Variants in MYO18B observed in about 807,000 individuals in gnomAD.
MYO18B encodes the protein myosin XVIIIB.
A neutral mutation model predicts 273.0 loss-of-function variants in MYO18B; 204 were observed. That is an observed-to-expected ratio of 0.75 (90% CI 0.67 to 0.84). MYO18B has a LOEUF of 0.84. Ranked by LOEUF, MYO18B falls within the 40% of genes least tolerant of loss-of-function variation. MYO18B has a pLI of 0.00. For missense variants in MYO18B, 3,212 were observed against 3,287.6 expected (o/e 0.98, Z 0.56); for synonymous variants, 1,330 against 1,305.7 (o/e 1.02, Z -0.40).
At chr22:25,800,103 A>T (rs1204601683) in intron 12 of MYO18B, among the ~76,000 whole-genome samples, 1 of 152,230 alleles carries the variant, frequency 6.6e-6, no homozygotes, top group Non-Finnish European at 1.5e-5. Context: ...CAAATATCAT[A>T]CATTCTCACT....
In MYO18B at chr22:25,853,892, G is replaced by A. The variant is rs551353470; in HGVS notation, c.3885+2313G>A. On this transcript the variant is annotated intron_variant, in intron 21 of 43. Coordinates refer to ENST00000335473, the MANE Select transcript of MYO18B (RefSeq NM_032608.7). ...TGCAGCATAGAATTTTGGTAGCAAC[G>A]AAAAGAAACATCATCCTGCCTCTTA... Among the ~76,000 whole-genome samples, 40 of 152,192 alleles carry A rather than the reference G, an allele frequency of 2.6e-4. No individual in the cohort carries two copies. The South Asian group carries it at 6.4e-3, about 25-fold the overall frequency.
intron 31 of MYO18B, among the ~76,000 whole-genome samples, chr22:25,907,286 C>A (rs1488248327): frequency 6.6e-6 from 1 of 152,192 alleles, no homozygotes; most frequent in African/African-American, 2.4e-5. Flanking sequence ...ACTCTAGAAC[C>A]CTTTATACGA....
At chr22:25,888,767 G>A (rs975003465) in intron 25 of MYO18B, among the ~76,000 whole-genome samples, 23 of 152,160 alleles carry the variant, frequency 1.5e-4, no homozygotes, top group African/African-American at 5.3e-4. Context: ...TACATGTGAT[G>A]TGACTTTGCA....
At chr22:26,040,063 T>A in the MYO18B span, among the ~76,000 whole-genome samples, 7 of 152,184 alleles carry the variant, frequency 4.6e-5, no homozygotes, top group Non-Finnish European at 1.0e-4. Flanking sequence ...ACTCTTACTG[T>A]TTATGCATCC....
At chr22:26,025,174 C>T (rs538446821) in intron 42 of MYO18B, among the ~76,000 whole-genome samples, 1 of 152,278 alleles carries the variant, frequency 6.6e-6, no homozygotes, top group East Asian at 1.9e-4. Flanking sequence ...CCACCTATTT[C>T]CCTGGGAAAG....
At chr22:25,818,312 T>C (rs1159074449) in intron 12 of MYO18B, among the ~76,000 whole-genome samples, 1 of 152,214 alleles carries the variant, frequency 6.6e-6, no homozygotes, top group Non-Finnish European at 1.5e-5. Flanking sequence ...TTTTATCTTG[T>C]ATCCCATCTT....
the MYO18B span, among the ~76,000 whole-genome samples, chr22:26,061,557 C>A: frequency 1.3e-5 from 2 of 152,050 alleles, no homozygotes; most frequent in Non-Finnish European, 2.9e-5. Flanking sequence ...AAATATCTCT[C>A]TGCTGCTCAC....
chr22:25,989,948 C>G (rs1444107381), intron 39 of MYO18B, among the ~76,000 whole-genome samples: 2 of 152,160 alleles, frequency 1.3e-5, no homozygotes, highest in Non-Finnish European at 2.9e-5. Context: ...CTGGGGGCCC[C>G]AACCTCGGGT....
intron 43 of MYO18B, among the ~76,000 whole-genome samples, chr22:26,030,110 C>T (rs773023346): frequency 6.6e-6 from 1 of 152,178 alleles, no homozygotes; most frequent in South Asian, 2.1e-4. Context: ...GTGGCTCATG[C>T]CCATAATCCC....
In MYO18B at chr22:26,026,887, G is replaced by C. The variant is rs986187140; in HGVS notation, c.6913G>C (p.Val2305Leu). ...TGACGAGGGAAACCTCTCGCTGAGGGTTGGGGCAAAGTCACCCCTGGAAAT... is the reference window on the plus strand; with the variant it reads ...TGACGAGGGAAACCTCTCGCTGAGGCTTGGGGCAAAGTCACCCCTGGAAAT... ...GSDEGNLSLR[V>L]GAKSPLEIEG... Residue 2305 changes from valine to leucine, a missense_variant, in exon 43 of 44, where the codon GTT becomes CTT. Transcript: ENST00000335473. 2 of 1,604,334 alleles carry C rather than the reference G, an allele frequency of 1.2e-6. No individual in the cohort carries two copies. Among genetic ancestry groups the C allele is most frequent in the Non-Finnish European group, 1.7e-6 (2 of 1,174,510 alleles).
the MYO18B span, among the ~76,000 whole-genome samples, chr22:26,043,980 A>G: frequency 1.3e-5 from 2 of 152,182 alleles, no homozygotes; most frequent in African/African-American, 4.8e-5. Context: ...CAGCTCCTCC[A>G]CATGCTTAGC....
At chr22:25,761,289 G>C (rs948944412) in intron 2 of MYO18B, among the ~76,000 whole-genome samples, 158 bp downstream of exon 2, 1 of 152,126 alleles carries the variant, frequency 6.6e-6, no homozygotes, top group African/African-American at 2.4e-5. Context: ...CAGCCAGCTC[G>C]GTTAGCCTTG....
At chr22:25,928,402 C>CAAAAA (rs71311529) in intron 34 of MYO18B, among the ~76,000 whole-genome samples, 6 of 48,066 alleles carry the variant, frequency 1.2e-4, no homozygotes, top group African/African-American at 3.8e-4. Context: ...GACCCGGCCT[C>CAAAAA]AAAAAAAAAA....
In MYO18B at chr22:25,992,602, A is replaced by G. The variant is rs1431777342; in HGVS notation, c.6287+109A>G. 2.8e-6 allele frequency: 4 copies of G among 1,449,424 alleles called. No individual in the cohort carries two copies. In the East Asian group the frequency reaches 7.0e-5, roughly 25 times the overall value. The allele number at this position is 1,449,424 out of a possible 1,614,324, so 89.8% of individuals were successfully genotyped here. A position where few individuals can be genotyped will look rare whatever the true frequency, so the allele number is the denominator to read the frequency against. On this transcript the variant is annotated intron_variant, in intron 40 of 43. Transcript: ENST00000335473. ...GCCACATTCACTGGGAAACCCAAAG[A>G]TGTTCGGGGGCTGGAGGCACCCCTC... is the stretch of plus-strand genomic sequence containing the variant.
chr22:25,970,373 C>G (rs548246889), intron 39 of MYO18B, among the ~76,000 whole-genome samples: 1 of 152,128 alleles, frequency 6.6e-6, no homozygotes, highest in Non-Finnish European at 1.5e-5. Context: ...CTGTGAATGA[C>G]GTCCCCAAAT....
chr22:25,982,140 T>C (rs1013633494), intron 39 of MYO18B, among the ~76,000 whole-genome samples: 1 of 152,212 alleles, frequency 6.6e-6, no homozygotes, highest in African/African-American at 2.4e-5. Flanking sequence ...TCCACCCCCA[T>C]GATCCAATCA....
At chr22:25,906,038 A>T (rs1476721363) in intron 31 of MYO18B, among the ~76,000 whole-genome samples, 1 of 152,136 alleles carries the variant, frequency 6.6e-6, no homozygotes, top group Non-Finnish European at 1.5e-5. Flanking sequence ...GGCCTCAGGG[A>T]CCCAAAACTT....
In MYO18B at chr22:25,788,806, A is replaced by G. The variant is rs184426846; in HGVS notation, c.2376+3315A>G. Among the ~76,000 whole-genome samples the G allele has an allele frequency of 3.4e-3, 521 of 151,776 alleles. 1 individual carries two copies. Among genetic ancestry groups the G allele is most frequent in the Non-Finnish European group, 4.1e-3 (281 of 67,908 alleles). The stretch of plus-strand genomic sequence containing the variant: ...ACAGCTGGTTCCATCTCCACTGAAA[A>G]CTCACTGGCGACAGTGGAGTCTGAC... On this transcript the variant is annotated intron_variant, in intron 11 of 43. Transcript: ENST00000335473.
At position 26,000,802 on chromosome 22, in the gene MYO18B, G is replaced by A. The variant is rs76111290; in HGVS notation, c.6288-2463G>A. Among the ~76,000 whole-genome samples, 1,465 of 152,266 alleles carry A rather than the reference G, an allele frequency of 9.6e-3. 26 individuals are homozygous for A. The highest frequency in any genetic ancestry group is 0.033 in the African/African-American group (1,388 of 41,540). On this transcript the variant is annotated intron_variant, in intron 40 of 43. Transcript: ENST00000335473. ...GTCCAGGTCAGATATCACACTTGGT[G>A]TGGACAGTATTTCATCATGAATGAA... is the stretch of plus-strand genomic sequence containing the variant.
Sources: allele counts gnomAD v4.1 joint callset (sites outside exome capture counted in the v4.1 genomes callset), GRCh38; gene constraint gnomAD v4.1.1; transcripts MANE v1.5; gene names NCBI Gene and HGNC (gene_info 2026-07-23, HGNC 2026-07-21).